Variants in JMJD1C observed in about 807,000 individuals in gnomAD.
The protein encoded by JMJD1C is jumonji domain-containing protein 1C.
In JMJD1C, 31 loss-of-function variants were observed where a neutral mutation model predicts 245.3. The observed-to-expected ratio is 0.13, with a 90% CI of 0.09 to 0.17. The LOEUF (loss-of-function observed/expected upper bound fraction) is 0.17, where lower values mean the gene tolerates loss of function less well. Ranked by LOEUF, JMJD1C falls within the 10% of genes least tolerant of loss-of-function variation. The pLI is 1.00. For synonymous variants in JMJD1C, 1,057 were observed against 1,017.4 expected (o/e 1.04, Z -0.74); for missense variants, 2,691 against 3,000.2 (o/e 0.90, Z 2.41).
intron 1 of JMJD1C, among the ~76,000 whole-genome samples, chr10:63,479,271 CT>C (rs199545366): frequency 2.1e-3 from 286 of 134,842 alleles, no homozygotes; most frequent in Non-Finnish European, 2.2e-3. Context: ...TATTTCTTCT[CT>C]TTTTTTTTTT....
At chr10:63,192,676 A>G (rs1844977010) in intron 16 of JMJD1C, among the ~76,000 whole-genome samples, 1 of 152,168 alleles carries the variant, frequency 6.6e-6, no homozygotes, top group Non-Finnish European at 1.5e-5. Flanking sequence ...TCAAGGCTGC[A>G]GTGAGCAACG....
rs1475852248 is a variant in JMJD1C at position 63,208,125 on chromosome 10, C to T, written c.3544G>A (p.Asp1182Asn). 3 of 1,614,150 alleles carry T rather than the reference C, an allele frequency of 1.9e-6. No individual in the cohort carries two copies. In the South Asian group the frequency reaches 3.3e-5, roughly 18 times the overall value. ...GTCAAATGGGTAGGACTCCTACAAT[C>T]ATTTCTGAAGGTTGTTACTGAGTGA... The part of the protein sequence containing the change: ...ASHSVTTFRN[D>N]CRSPTHLTVS... The change falls in exon 10 of 26, where the codon GAT becomes AAT. Residue 1182 changes from aspartate to asparagine, a missense_variant. By Grantham distance (23) the Asp-to-Asn change is conservative. Transcript: ENST00000399262.
Position 63,198,529 on chromosome 10 carries a change from G to A in JMJD1C, c.5475C>T (p.Ser1825=). The A allele has an allele frequency of 6.3e-7, 1 of 1,594,304 alleles. No individual in the cohort carries two copies. Among genetic ancestry groups the A allele is most frequent in the Non-Finnish European group, 8.6e-7 (1 of 1,166,936 alleles). Residue 1825 remains serine, a synonymous_variant, in exon 12 of 26, where the codon TCC becomes TCT. Transcript: ENST00000399262. ...QLVTSEKTAL[S]WVKKDAKIAW... The stretch of plus-strand genomic sequence containing the variant: ...CTTCCTTACCATCCTTTTTCACCCA[G>A]GACAAAGCTGTTTTTTCAGATGTTA...
In JMJD1C at chr10:63,227,895, G is replaced by C. The variant is rs532242777; in HGVS notation, c.448-7912C>G. ...TAAAACGTGAATGTTAAGTCCACAAGAGTGACATTAATTTTTACCACACCA... is the reference window on the plus strand; with the variant it reads ...TAAAACGTGAATGTTAAGTCCACAACAGTGACATTAATTTTTACCACACCA... On this transcript the variant is annotated intron_variant, in intron 3 of 25. Transcript: ENST00000399262. 3.9e-5 allele frequency among the ~76,000 whole-genome samples: 6 copies of C among 152,312 alleles called. No individual in the cohort carries two copies. The South Asian group carries it at 6.2e-4, about 16-fold the overall frequency.
At chr10:63,435,070 C>A (rs748404669) in intron 1 of JMJD1C, among the ~76,000 whole-genome samples, 2 of 152,184 alleles carry the variant, frequency 1.3e-5, no homozygotes, top group East Asian at 1.9e-4. Context: ...CTGAACAATG[C>A]GCTCAAGTAT....
intron 3 of JMJD1C, among the ~76,000 whole-genome samples, chr10:63,238,649 T>C (rs1038364701): frequency 6.6e-6 from 1 of 152,234 alleles, no homozygotes; most frequent in Non-Finnish European, 1.5e-5. Context: ...TTTTTAGTTC[T>C]TCCATAACCT....
At chr10:63,476,158 C>A (rs539422648) in intron 1 of JMJD1C, among the ~76,000 whole-genome samples, 27 of 151,126 alleles carry the variant, frequency 1.8e-4, no homozygotes, top group Non-Finnish European at 3.5e-4. Context: ...TGCAGTGAGC[C>A]GAGATTGCAC....
intron 2 of JMJD1C, among the ~76,000 whole-genome samples, chr10:63,357,132 C>A (rs1273063355): frequency 6.6e-6 from 1 of 151,738 alleles, no homozygotes; most frequent in Non-Finnish European, 1.5e-5. Context: ...CTCCTGGGTT[C>A]CAGTGATTCT....
chr10:63,401,105 C>T (rs1021344517), intron 1 of JMJD1C, among the ~76,000 whole-genome samples: 1 of 152,164 alleles, frequency 6.6e-6, no homozygotes, highest in Non-Finnish European at 1.5e-5. Flanking sequence ...GTGATTCACC[C>T]GCCTCGGCCT....
intron 3 of JMJD1C, among the ~76,000 whole-genome samples, chr10:63,233,087 G>T (rs1850213104): frequency 6.6e-6 from 1 of 152,134 alleles, no homozygotes; most frequent in Non-Finnish European, 1.5e-5. Flanking sequence ...ATCTAGAAAA[G>T]TGACTCTGAC....
At chr10:63,263,933 GAAAAAAAAA>G (rs1225176795) in intron 3 of JMJD1C, among the ~76,000 whole-genome samples, 10 of 62,734 alleles carry the variant, frequency 1.6e-4, no homozygotes, top group Admixed American at 2.3e-4. Flanking sequence ...CTCCATCACG[GAAAAAAAAA>G]AAAAAAAAAA....
rs547643331 is a variant in JMJD1C, at chr10:63,505,872, G to T, written n.113+15866C>A. On this transcript the variant is annotated intron_variant and non_coding_transcript_variant, in intron 1 of 3. Transcript: ENST00000633035. The stretch of plus-strand genomic sequence containing the variant: ...TAACCTGAAACAGGCCTGAGATAAA[G>T]TCTTACAGGTGGGATTCAGAATCGA... Among the ~76,000 whole-genome samples, 16 of 135,048 alleles carry T rather than the reference G, an allele frequency of 1.2e-4. No individual in the cohort carries two copies. The South Asian group carries it at 3.4e-3, about 29-fold the overall frequency. The allele number at this position is 135,048 out of a possible 152,430, so 88.6% of individuals were successfully genotyped here.
chr10:63,440,365 T>TATATATAG (rs749850334), intron 1 of JMJD1C, among the ~76,000 whole-genome samples: 30 of 138,266 alleles, frequency 2.2e-4, no homozygotes, highest in South Asian at 4.6e-4. Context: ...TATATATATA[T>TATATATAG]AGAGAGAGAG....
At chr10:63,215,219 GTTTTA>G (rs1847840421) in intron 7 of JMJD1C, 39 bp downstream of exon 7, 2 of 1,535,392 alleles carry the variant, frequency 1.3e-6, no homozygotes, top group Non-Finnish European at 1.8e-6. Context: ...ATGTATTTTT[GTTTTA>G]TTTGTTTTCA....
intron 2 of JMJD1C, among the ~76,000 whole-genome samples, chr10:63,304,972 A>G (rs1408675843): frequency 1.3e-5 from 2 of 152,110 alleles, no homozygotes; most frequent in African/African-American, 4.8e-5. Flanking sequence ...ATCTCTACCA[A>G]AAAAGTATTT....
chr10:63,376,666 T>C (rs1946767120), intron 2 of JMJD1C, among the ~76,000 whole-genome samples: 1 of 152,002 alleles, frequency 6.6e-6, no homozygotes, highest in Non-Finnish European at 1.5e-5. Flanking sequence ...AAGAAGCACA[T>C]GAAAAGATGC....
intron 2 of JMJD1C, among the ~76,000 whole-genome samples, chr10:63,354,662 AT>A (rs1944656546): frequency 1.2e-5 from 1 of 83,204 alleles, no homozygotes; most frequent in African/African-American, 2.8e-5. Flanking sequence ...TTCTACCTAA[AT>A]TTTCTACTGC....
At position 63,390,644 on chromosome 10, in the gene JMJD1C, T is replaced by C. The variant is rs1947980036; in HGVS notation, c.169-10162A>G. ...ATGAACATACATACAAAAATTCTTA[T>C]CAAAATAGAAAACCAAATTCAACAG... On this transcript the variant is annotated intron_variant, in intron 1 of 25. Coordinates refer to ENST00000399262, the MANE Select transcript of JMJD1C (RefSeq NM_032776.3). Among the ~76,000 whole-genome samples the C allele has an allele frequency of 5.3e-5, 8 of 152,116 alleles. No individual in the cohort carries two copies. The South Asian group carries it at 1.7e-3, about 32-fold the overall frequency.
chr10:63,494,675 G>A (rs1182562490), intron 1 of JMJD1C, among the ~76,000 whole-genome samples: 3 of 152,146 alleles, frequency 2.0e-5, no homozygotes, highest in Admixed American at 6.5e-5. Flanking sequence ...AAAATACATG[G>A]ACAAATGCAC....
Sources: gnomAD v4.1 joint callset for allele counts (sites outside exome capture counted in the v4.1 genomes callset) on GRCh38, gnomAD v4.1.1 for gene constraint, MANE v1.5 for transcripts, NCBI Gene and HGNC (gene_info 2026-07-23, HGNC 2026-07-21) for gene names.